AFM: variants seen among roughly 807,000 people sequenced by gnomAD.
AFM encodes afamin, also known as alpha-Alb.
Under a neutral mutation model 68.7 loss-of-function variants are expected in AFM, and 82 were observed. That is an observed-to-expected ratio of 1.19 (90% CI 1.00 to 1.43). The LOEUF is 1.43. Ranked by LOEUF, AFM falls within the 40% of genes most tolerant of loss-of-function variation. AFM has a pLI of 0.00. For synonymous variants in AFM, 250 were observed against 234.2 expected (o/e 1.07, Z -0.61); for missense variants, 772 against 701.8 (o/e 1.10, Z -1.13).
At chr4:73,489,012 A>C (rs772939725) in intron 7 of AFM, among the ~76,000 whole-genome samples, 4 of 152,222 alleles carry the variant, frequency 2.6e-5, no homozygotes, top group Non-Finnish European at 5.9e-5. Context: ...AAAACTTCAG[A>C]AATTTCAAAT....
Position 73,493,516 on chromosome 4 carries a change from C to T in AFM, c.1058+1430C>T, listed in dbSNP as rs191578564. Among the ~76,000 whole-genome samples, 771 of 152,276 alleles carry T rather than the reference C, an allele frequency of 5.1e-3. 6 individuals carry two copies. The highest frequency in any genetic ancestry group is 0.018 in the African/African-American group (739 of 41,572). On this transcript the variant is annotated intron_variant, in intron 8 of 14. Coordinates refer to ENST00000226355, the MANE Select transcript of AFM (RefSeq NM_001133.2). ...AGGGAATCTGGCTTGAAATCTAGGA[C>T]ATAACAACAACTAATGTTTACTGAA...
intron 12 of AFM, among the ~76,000 whole-genome samples, chr4:73,501,180 C>T (rs966393137): frequency 2.0e-5 from 3 of 151,630 alleles, no homozygotes; most frequent in Non-Finnish European, 4.4e-5. Flanking sequence ...ATAAGGAAAT[C>T]ATTATTGTCT....
intron 4 of AFM, among the ~76,000 whole-genome samples, chr4:73,486,595 C>T (rs1268112467): frequency 6.6e-6 from 1 of 152,138 alleles, no homozygotes; most frequent in East Asian, 1.9e-4. Flanking sequence ...GATAGCTGTT[C>T]TTTGAACATG....
chr4:73,495,408 C>A lies in AFM; in HGVS notation c.1167C>A (p.Asn389Lys), dbSNP rs202105629. ...TGAGAAATTGCTGCAACACAGAAAA[C>A]CCTCCAGGTTGTTACCGTTACGCGG... ...DLLRNCCNTENPPGCYRYAED... is the reference protein window; with the variant it reads ...DLLRNCCNTEKPPGCYRYAED... Residue 389 changes from asparagine (N) to lysine (K), a missense_variant, in exon 9 of 15, where the codon AAC becomes AAA. Coordinates refer to ENST00000226355, the MANE Select transcript of AFM (RefSeq NM_001133.2). The A allele has an allele frequency of 2.2e-5, 35 of 1,611,798 alleles. No individual in the cohort carries two copies. The African/African-American group carries it at 4.0e-4, about 18-fold the overall frequency.
intron 2 of AFM, 21 bp from the exon 3 acceptor site, chr4:73,484,237 A>AC: frequency 6.3e-7 from 1 of 1,596,098 alleles, no homozygotes; most frequent in Non-Finnish European, 8.5e-7. Context: ...ATCTTTGTAT[A>AC]CCCCATGTGA....
At chr4:73,489,982 T>TA (rs1721025772) in intron 7 of AFM, among the ~76,000 whole-genome samples, 1 of 151,794 alleles carries the variant, frequency 6.6e-6, no homozygotes. Context: ...TCCCGGAACT[T>TA]AAAGTGAAAA....
intron 1 of AFM, 46 bp downstream of exon 1, chr4:73,481,909 TA>T: frequency 7.6e-7 from 1 of 1,314,722 alleles, no homozygotes; most frequent in Non-Finnish European, 1.1e-6. Flanking sequence ...CCAGTTAGGA[TA>T]ATTTCTATTT....
rs759483476 is a variant in AFM, at chr4:73,499,290, TA to T, written c.1422+52del. The T allele has an allele frequency of 8.4e-3, 8,732 of 1,035,802 alleles. 216 individuals are homozygous for T. The African/African-American group carries it at 0.11, about 13-fold the overall frequency. 64.2% of individuals were successfully genotyped at this position (1,035,802 alleles called of 1,614,324 possible). The stretch of plus-strand genomic sequence containing the variant: ...CCAGACTACTCTTTTTTTTTTTTTT[TA>T]AAAAAAAGAATATTTGCACTCATTG... On this transcript the variant is annotated intron_variant, in intron 11 of 14. Coordinates refer to ENST00000226355, the MANE Select transcript of AFM (RefSeq NM_001133.2).
intron 8 of AFM, among the ~76,000 whole-genome samples, chr4:73,493,267 A>G (rs80154504): frequency 0.036 from 5,436 of 152,310 alleles, 143 homozygotes; most frequent in African/African-American, 0.07. Flanking sequence ...AAGAATGAGG[A>G]AGGACAAATT....
intron 9 of AFM, among the ~76,000 whole-genome samples, chr4:73,495,718 G>T (rs967841089): frequency 2.5e-4 from 38 of 152,060 alleles, no homozygotes; most frequent in Admixed American, 2.0e-4. Context: ...TTATTAAGCC[G>T]TATTGGATAT....
intron 8 of AFM, chr4:73,495,003 T>C (rs933870188): frequency 5.1e-6 from 1 of 194,572 alleles, no homozygotes; most frequent in Non-Finnish European, 1.0e-5. Flanking sequence ...ATTCACAATT[T>C]ATTATTTCCA....
chr4:73,492,346 A>T (rs965779282), intron 8 of AFM, among the ~76,000 whole-genome samples: 1 of 152,196 alleles, frequency 6.6e-6, no homozygotes, highest in Non-Finnish European at 1.5e-5. Context: ...ATACAGATAA[A>T]CTATTTTAAT....
At chr4:73,497,138 A>G (rs1351464969) in intron 9 of AFM, among the ~76,000 whole-genome samples, 3 of 152,204 alleles carry the variant, frequency 2.0e-5, no homozygotes, top group African/African-American at 7.2e-5. Flanking sequence ...CACATGAGAG[A>G]TAGTCCATCA....
At chr4:73,502,104 C>T (rs1383488880) in intron 13 of AFM, among the ~76,000 whole-genome samples, 185 bp downstream of exon 13, 1 of 152,130 alleles carries the variant, frequency 6.6e-6, no homozygotes, top group Admixed American at 6.6e-5. Flanking sequence ...CTCCTTAGTA[C>T]AGAAAAAGCT....
At chr4:73,486,858 C>G (rs1720914115) in intron 4 of AFM, 109 bp from the exon 5 acceptor site, 1 of 1,091,106 alleles carries the variant, frequency 9.2e-7, no homozygotes, top group Non-Finnish European at 1.3e-6. Flanking sequence ...TTTTTCTTTT[C>G]CTTCCCATCT....
intron 12 of AFM, among the ~76,000 whole-genome samples, chr4:73,500,654 A>G (rs770204538): frequency 6.6e-6 from 1 of 152,198 alleles, no homozygotes; most frequent in Non-Finnish European, 1.5e-5. Context: ...AGTTTTTTGG[A>G]TTTAGACAGA....
chr4:73,492,116 G>A (rs1306327259), intron 8 of AFM, 30 bp downstream of exon 8: 2 of 1,565,570 alleles, frequency 1.3e-6, no homozygotes, highest in Non-Finnish European at 1.7e-6. Flanking sequence ...AATTTATAAG[G>A]GAAACAGAAA....
chr4:73,483,698 A>C (rs1252000628), intron 1 of AFM, among the ~76,000 whole-genome samples: 1 of 152,254 alleles, frequency 6.6e-6, no homozygotes, highest in Non-Finnish European at 1.5e-5. Context: ...AAGTCTAGTC[A>C]GATTAAGATT....
chr4:73,502,904 T>C, intron 13 of AFM, 146 bp from the exon 14 acceptor site: 2 of 789,206 alleles, frequency 2.5e-6, no homozygotes, highest in South Asian at 1.8e-5. Flanking sequence ...ATTTTTTCAC[T>C]AGAAGAAAGA....
Sources: allele counts gnomAD v4.1 joint callset (sites outside exome capture counted in the v4.1 genomes callset), GRCh38; gene constraint gnomAD v4.1.1; transcripts MANE v1.5; gene names NCBI Gene and HGNC (gene_info 2026-07-23, HGNC 2026-07-21).